Variants in PLCE1 observed in about 807,000 individuals in gnomAD.
PLCE1 encodes the protein 1-phosphatidylinositol 4,5-bisphosphate phosphodiesterase epsilon-1.
PLCE1 carries 119 observed loss-of-function variants against 242.8 expected under a neutral mutation model. The ratio of observed to expected loss-of-function variants is 0.49; its 90% CI spans 0.42 to 0.57. The LOEUF is 0.57. Ranked by LOEUF, PLCE1 falls within the 20% of genes least tolerant of loss-of-function variation. The pLI, the probability that PLCE1 is intolerant of heterozygous loss-of-function variation, is 0.00. For missense variants in PLCE1, 2,441 were observed against 2,788.8 expected (o/e 0.88, Z 2.81); for synonymous variants, 945 against 1,017.4 (o/e 0.93, Z 1.35).
intron 10 of PLCE1, 148 bp from the exon 11 acceptor site, chr10:94,254,745 T>TCATAAAGA (rs2051004244): frequency 1.2e-6 from 1 of 854,290 alleles, no homozygotes; most frequent in Admixed American, 1.7e-5. Context: ...ATTAGCCCAT[T>TCATAAAGA]CATAAAGATA....
chr10:94,297,271 C>T (rs375244560), intron 23 of PLCE1, among the ~76,000 whole-genome samples: 35 of 152,048 alleles, frequency 2.3e-4, no homozygotes, highest in African/African-American at 7.7e-4. Context: ...ATCGTTGTGT[C>T]TCAGGGAATC....
At chr10:94,081,099 A>G (rs1038903526) in intron 2 of PLCE1, among the ~76,000 whole-genome samples, 2 of 152,200 alleles carry the variant, frequency 1.3e-5, no homozygotes, top group East Asian at 3.8e-4. Flanking sequence ...ACTGATTTCT[A>G]GTAAAGTTGA....
At chr10:94,033,160 T>C (rs1372975183) in intron 2 of PLCE1, among the ~76,000 whole-genome samples, 1 of 151,972 alleles carries the variant, frequency 6.6e-6, no homozygotes, top group African/African-American at 2.4e-5. Flanking sequence ...TGAACTTTGG[T>C]GTTCGAGGGG....
intron 1 of PLCE1, among the ~76,000 whole-genome samples, chr10:94,019,222 G>C (rs1481625168): frequency 3.3e-5 from 5 of 152,174 alleles, no homozygotes; most frequent in South Asian, 2.1e-4. Flanking sequence ...CCAGTGCTAT[G>C]AATTCATTTG....
At chr10:94,278,190 A>G (rs1392429173) in intron 19 of PLCE1, among the ~76,000 whole-genome samples, 1 of 152,230 alleles carries the variant, frequency 6.6e-6, no homozygotes, top group Non-Finnish European at 1.5e-5. Flanking sequence ...ATTTTAAAAC[A>G]TACATAATTC....
Position 94,031,691 on chromosome 10 carries a change from T to C in PLCE1, c.645T>C (p.Asn215=). Reference sequence around the variant, plus strand: ...ACTTAATTTTAGACGATTGTGGAAATTGTGTACCACTACCTGGGGGTGAGG... The same window carrying C: ...ACTTAATTTTAGACGATTGTGGAAACTGTGTACCACTACCTGGGGGTGAGG... ...SENLILDDCG[N]CVPLPGGEEK... is the part of the protein sequence containing the mutation. Residue 215 remains asparagine, a synonymous_variant, in exon 2 of 33, where the codon AAT becomes AAC. Transcript: ENST00000371380. 1 of 1,613,904 alleles carries C rather than the reference T, an allele frequency of 6.2e-7. No homozygotes were observed. The highest frequency in any genetic ancestry group is 8.5e-7 in the Non-Finnish European group (1 of 1,179,890).
At chr10:94,238,788 C>T (rs2050407024) in intron 7 of PLCE1, among the ~76,000 whole-genome samples, 1 of 152,060 alleles carries the variant, frequency 6.6e-6, no homozygotes, top group Non-Finnish European at 1.5e-5. Flanking sequence ...GCTGCAAGTT[C>T]TTATTGTCAT....
chr10:94,254,526 G>C (rs1444346795), intron 10 of PLCE1, among the ~76,000 whole-genome samples: 1 of 152,170 alleles, frequency 6.6e-6, no homozygotes, highest in Non-Finnish European at 1.5e-5. Context: ...GGGAGTATTA[G>C]ATATACATGG....
At chr10:94,249,542 G>C (rs1009982422) in intron 8 of PLCE1, among the ~76,000 whole-genome samples, 4 of 152,090 alleles carry the variant, frequency 2.6e-5, no homozygotes, top group Admixed American at 2.6e-4. Context: ...CCCTAGTTTG[G>C]GAAGTGCTTA....
intron 2 of PLCE1, among the ~76,000 whole-genome samples, chr10:94,062,552 A>G (rs973032912): frequency 2.0e-5 from 3 of 150,196 alleles, no homozygotes; most frequent in Admixed American, 6.6e-5. Context: ...TAAACACTCA[A>G]TAAGTGTTAG....
At chr10:94,200,834 C>A (rs929913073) in intron 4 of PLCE1, among the ~76,000 whole-genome samples, 1 of 152,170 alleles carries the variant, frequency 6.6e-6, no homozygotes, top group Admixed American at 6.5e-5. Context: ...TGGTCTTCCT[C>A]CCACAAAACC....
intron 2 of PLCE1, among the ~76,000 whole-genome samples, chr10:94,101,070 A>T (rs767524847): frequency 6.6e-6 from 1 of 152,114 alleles, no homozygotes; most frequent in East Asian, 1.9e-4. Context: ...CAGGCCCCTC[A>T]GAGCTCTCCA....
At chr10:94,128,678 T>G (rs930696751) in intron 2 of PLCE1, among the ~76,000 whole-genome samples, 1 of 152,220 alleles carries the variant, frequency 6.6e-6, no homozygotes, top group Non-Finnish European at 1.5e-5. Flanking sequence ...TTTCTCTCTA[T>G]CCTCAGCAAC....
At chr10:94,175,175 T>C (rs1234321077) in intron 4 of PLCE1, among the ~76,000 whole-genome samples, 1 of 152,320 alleles carries the variant, frequency 6.6e-6, no homozygotes, top group East Asian at 1.9e-4. Flanking sequence ...TGCTTCTCTC[T>C]TGTTAAATTA....
Position 94,175,628 on chromosome 10 carries a change from A to G in PLCE1, c.1809+4132A>G, listed in dbSNP as rs891140767. Among the ~76,000 whole-genome samples the G allele has an allele frequency of 2.6e-5, 4 of 151,390 alleles. No individual in the cohort carries two copies. In the East Asian group the frequency reaches 7.8e-4, roughly 29 times the overall value. On this transcript the variant is annotated intron_variant, in intron 4 of 32. Coordinates refer to ENST00000371380, the MANE Select transcript of PLCE1 (RefSeq NM_016341.4). ...CAATTAAATTATTATTGACTATATC[A>G]CTCTTTTGTGCTATCAAATACTAGA...
chr10:94,215,920 C>CAAATA (rs527850155), intron 4 of PLCE1, among the ~76,000 whole-genome samples: 24 of 151,928 alleles, frequency 1.6e-4, no homozygotes, highest in South Asian at 1.2e-3. Context: ...GACCCGAACT[C>CAAATA]AAATAAAATA....
chr10:94,293,418 G>A, intron 22 of PLCE1, 90 bp from the exon 23 acceptor site: 1 of 1,399,686 alleles, frequency 7.1e-7, no homozygotes, highest in South Asian at 1.2e-5. Flanking sequence ...GGAGTAGTAG[G>A]ACTTCAAAAT....
chr10:94,328,207 G>A lies in PLCE1; in HGVS notation c.*264G>A, dbSNP rs1308082830. On this transcript the variant is annotated 3_prime_UTR_variant, in exon 33 of 33. Coordinates refer to ENST00000371380, the MANE Select transcript of PLCE1 (RefSeq NM_016341.4). Reference sequence around the variant, plus strand: ...GCAGTTGGAAAAATCGTCACGAATTGACTTAGAGCAAGGGTCAGCAAGCTT... The same window carrying A: ...GCAGTTGGAAAAATCGTCACGAATTAACTTAGAGCAAGGGTCAGCAAGCTT... 3 of 311,548 alleles carry A rather than the reference G, an allele frequency of 9.6e-6. No homozygotes were observed. Among genetic ancestry groups the A allele is most frequent in the African/African-American group, 6.5e-5 (3 of 46,034 alleles). 19.3% of individuals were successfully genotyped at this position (311,548 alleles called of 1,614,324 possible).
chr10:94,083,166 G>C (rs2044702979), intron 2 of PLCE1, among the ~76,000 whole-genome samples: 1 of 152,110 alleles, frequency 6.6e-6, no homozygotes, highest in Non-Finnish European at 1.5e-5. Flanking sequence ...TGCCAATAAA[G>C]GGTGCTGTTA....
Sources: gnomAD v4.1 joint callset for allele counts (sites outside exome capture counted in the v4.1 genomes callset) on GRCh38, gnomAD v4.1.1 for gene constraint, MANE v1.5 for transcripts, NCBI Gene and HGNC (gene_info 2026-07-23, HGNC 2026-07-21) for gene names.